Variants in GLIS1 observed in about 807,000 individuals in gnomAD.
GLIS1 encodes zinc finger protein GLIS1.
GLIS1 carries 24 observed loss-of-function variants against 63.8 expected under a neutral mutation model. That is an observed-to-expected ratio of 0.38 (90% CI 0.27 to 0.53). The LOEUF (loss-of-function observed/expected upper bound fraction) is 0.53, where lower values mean the gene tolerates loss of function less well. Among genes scored for constraint, GLIS1 ranks in the 20% least tolerant of loss-of-function variants. GLIS1 has a pLI of 0.85. For synonymous variants in GLIS1, 450 were observed against 482.5 expected (o/e 0.93, Z 0.88); for missense variants, 1,036 against 1,074.1 (o/e 0.96, Z 0.50).
rs143326362 is a variant in GLIS1 at position 53,637,441 on chromosome 1, T to C, written c.260-37163A>G. 9.2e-5 allele frequency among the ~76,000 whole-genome samples: 14 copies of C among 152,222 alleles called. No homozygotes were observed. In the East Asian group the frequency reaches 2.5e-3, roughly 27 times the overall value. ...ACCAGAGAGGTCACTCTTCTATCTG[T>C]GAGAACCGTGGACCCAGCTCCCCTA... On this transcript the variant is annotated intron_variant, in intron 2 of 10. Transcript: ENST00000628545.
At chr1:53,734,041 A>G (rs1646889500) in intron 2 of GLIS1, 2 of 983,766 alleles carry the variant, frequency 2.0e-6, no homozygotes, top group Admixed American at 6.2e-5. Flanking sequence ...CTCCGAGTCC[A>G]TGCGCACAAT....
chr1:53,523,107 C>CTA (rs1422301158), intron 6 of GLIS1, among the ~76,000 whole-genome samples: 1 of 151,224 alleles, frequency 6.6e-6, no homozygotes, highest in Non-Finnish European at 1.5e-5. Flanking sequence ...CGAGCTAGGG[C>CTA]TATAGTGAAG....
At chr1:53,641,623 T>C (rs1305329149) in intron 2 of GLIS1, among the ~76,000 whole-genome samples, 9 of 152,028 alleles carry the variant, frequency 5.9e-5, no homozygotes, top group African/African-American at 1.4e-4. Context: ...CACACAGAGA[T>C]TGGGGGCCTA....
In GLIS1 at chr1:53,577,201, C is replaced by G. The variant is rs1645040833; in HGVS notation, c.1320+16907G>C. Among the ~76,000 whole-genome samples the G allele has an allele frequency of 2.6e-5, 4 of 151,964 alleles. No homozygotes were observed. The South Asian group carries it at 8.3e-4, about 32-fold the overall frequency. ...CCTCTCCTGCCTTAGGAGCTCCAGACTTGCGCATCCCCTACCCCCCTGGGG... is the reference window on the plus strand; with the variant it reads ...CCTCTCCTGCCTTAGGAGCTCCAGAGTTGCGCATCCCCTACCCCCCTGGGG... On this transcript the variant is annotated intron_variant, in intron 4 of 10. Transcript: ENST00000628545.
intron 2 of GLIS1, among the ~76,000 whole-genome samples, chr1:53,661,312 G>A (rs2100361939): frequency 6.6e-6 from 1 of 152,294 alleles, no homozygotes; most frequent in East Asian, 1.9e-4. Context: ...GGTACAGGGA[G>A]ACTAAGGTAA....
intron 4 of GLIS1, among the ~76,000 whole-genome samples, chr1:53,587,718 A>G (rs1000452138): frequency 6.6e-6 from 1 of 152,132 alleles, no homozygotes; most frequent in Non-Finnish European, 1.5e-5. Context: ...TGCAATATCC[A>G]TTTACTTCCC....
At chr1:53,578,851 C>T (rs1645057457) in intron 4 of GLIS1, among the ~76,000 whole-genome samples, 1 of 152,076 alleles carries the variant, frequency 6.6e-6, no homozygotes, top group Non-Finnish European at 1.5e-5. Flanking sequence ...AACATTGCAA[C>T]AGGATTTTCC....
At chr1:53,605,747 T>C (rs747399012) in intron 2 of GLIS1, among the ~76,000 whole-genome samples, 3 of 152,148 alleles carry the variant, frequency 2.0e-5, no homozygotes, top group Non-Finnish European at 2.9e-5. Flanking sequence ...GGGGCCCGGA[T>C]TGAAGAAGGG....
chr1:53,696,401 T>C (rs1646465571), intron 2 of GLIS1, among the ~76,000 whole-genome samples: 1 of 152,216 alleles, frequency 6.6e-6, no homozygotes, highest in African/African-American at 2.4e-5. Context: ...GGCAGAAATC[T>C]GAGGATTTTT....
chr1:53,628,533 T>C (rs901768676), intron 2 of GLIS1, among the ~76,000 whole-genome samples: 3 of 152,178 alleles, frequency 2.0e-5, no homozygotes, highest in African/African-American at 7.2e-5. Context: ...CCAGTCACTT[T>C]ATCCACGAAT....
At chr1:53,593,008 G>T (rs1237529937) in intron 4 of GLIS1, among the ~76,000 whole-genome samples, 1 of 152,236 alleles carries the variant, frequency 6.6e-6, no homozygotes, top group Non-Finnish European at 1.5e-5. Context: ...TGTCACCCTG[G>T]GCTCTGAATG....
Position 53,597,176 on chromosome 1 carries a change from TAAAAAAAAAAAAAAAAAAAAA to T in GLIS1, c.438-2207_438-2187del, listed in dbSNP as rs57607550. ...TGGCCTGGTGAAACCCTGTCTCTAC[TAAAAAAAAAAAAAAAAAAAAA>T]AAAAAAAAAAAAAACACTACAAAAA... On this transcript the variant is annotated intron_variant, in intron 3 of 10. Transcript: ENST00000628545. Among the ~76,000 whole-genome samples, 6 of 19,324 alleles carry T rather than the reference TAAAAAAAAAAAAAAAAAAAAA, an allele frequency of 3.1e-4. No homozygotes were observed. The South Asian group carries it at 0.025, about 81-fold the overall frequency. 12.7% of individuals were successfully genotyped at this position (19,324 alleles called of 152,430 possible).
At chr1:53,677,238 C>A (rs2100415975) in intron 2 of GLIS1, among the ~76,000 whole-genome samples, 1 of 152,360 alleles carries the variant, frequency 6.6e-6, no homozygotes, top group African/African-American at 2.4e-5. Flanking sequence ...GCTACATCCA[C>A]TTTTCACCAA....
intron 4 of GLIS1, among the ~76,000 whole-genome samples, chr1:53,534,648 C>G (rs1300314055): frequency 6.6e-6 from 1 of 151,316 alleles, no homozygotes; most frequent in Non-Finnish European, 1.5e-5. Flanking sequence ...CACCCCATCC[C>G]TCCACCCCCA....
intron 3 of GLIS1, among the ~76,000 whole-genome samples, chr1:53,599,665 G>A (rs925327597): frequency 2.0e-5 from 3 of 152,258 alleles, no homozygotes; most frequent in Admixed American, 6.5e-5. Flanking sequence ...GCCGGCACTG[G>A]AAGTGTGCAA....
chr1:53,640,593 C>T (rs1645776335), intron 2 of GLIS1, among the ~76,000 whole-genome samples: 1 of 152,196 alleles, frequency 6.6e-6, no homozygotes, highest in African/African-American at 2.4e-5. Context: ...CACTGAGCAC[C>T]TGCTATGTGC....
chr1:53,570,604 T>C (rs1285479928), intron 4 of GLIS1, among the ~76,000 whole-genome samples: 1 of 151,886 alleles, frequency 6.6e-6, no homozygotes, highest in Non-Finnish European at 1.5e-5. Flanking sequence ...GGTGCAGGGG[T>C]AGAAAAACTC....
rs976762863 is a variant in GLIS1, at chr1:53,574,943, G to A, written c.1320+19165C>T. Among the ~76,000 whole-genome samples the A allele has an allele frequency of 6.6e-6, 1 of 152,094 alleles. No homozygotes were observed. Among genetic ancestry groups the A allele is most frequent in the South Asian group, 2.1e-4 (1 of 4,828 alleles). On this transcript the variant is annotated intron_variant, in intron 4 of 10. Coordinates refer to ENST00000628545, the MANE Select transcript of GLIS1 (RefSeq NM_001367484.1). This position sits in a 1 kb window ranked among gnomAD's most constrained non-coding sequence, Gnocchi z 4.2. Reference sequence around the variant, plus strand: ...GTGTGATCACTCCGGGGGCAGGGTGGGCAGCCCCGGTCTGAACCTCACATC... The same window carrying A: ...GTGTGATCACTCCGGGGGCAGGGTGAGCAGCCCCGGTCTGAACCTCACATC...
chr1:53,525,401 C>T (rs1387713665), intron 5 of GLIS1, among the ~76,000 whole-genome samples: 1 of 4,536 alleles, frequency 2.2e-4, no homozygotes, highest in African/African-American at 1.0e-3. Context: ...GAAACCAGGT[C>T]CTCCTGCCAA....
Sources: allele counts gnomAD v4.1 joint callset (sites outside exome capture counted in the v4.1 genomes callset), GRCh38; gene constraint gnomAD v4.1.1; non-coding constraint Gnocchi (gnomAD v3.1); transcripts MANE v1.5; gene names NCBI Gene and HGNC (gene_info 2026-07-23, HGNC 2026-07-21).